TRAK2: variants seen among roughly 807,000 people sequenced by gnomAD.
TRAK2 encodes the protein trafficking kinesin protein 2, also known as trafficking kinesin-binding protein 2.
Under a neutral mutation model 104.6 loss-of-function variants are expected in TRAK2, and 81 were observed. The observed-to-expected ratio is 0.77, with a 90% CI of 0.65 to 0.93. TRAK2 has a LOEUF of 0.93. TRAK2 is among the 40% of genes least tolerant of loss of function. The pLI is 0.00. For missense variants in TRAK2, 1,002 were observed against 1,089.0 expected (o/e 0.92, Z 1.12); for synonymous variants, 406 against 394.4 (o/e 1.03, Z -0.35).
chr2:201,410,186 C>G (rs557195309), intron 2 of TRAK2, among the ~76,000 whole-genome samples: 289 of 152,130 alleles, frequency 1.9e-3, no homozygotes, highest in African/African-American at 6.5e-3. Flanking sequence ...CCTGCAGTCC[C>G]AGCTACTAGG....
chr2:201,401,143 A>T, intron 3 of TRAK2, 49 bp from the exon 4 acceptor site: 1 of 1,280,794 alleles, frequency 7.8e-7, no homozygotes, highest in Non-Finnish European at 1.1e-6. Context: ...ATAATGAAAA[A>T]ATTTAAATAT....
chr2:201,396,010 A>G (rs1048892843), intron 7 of TRAK2, among the ~76,000 whole-genome samples: 13 of 152,210 alleles, frequency 8.5e-5, no homozygotes, highest in African/African-American at 3.1e-4. Flanking sequence ...TAAAGCCTCT[A>G]GAGCAATTGT....
chr2:201,426,145 GTA>G (rs1951786309), intron 1 of TRAK2, among the ~76,000 whole-genome samples: 1 of 152,216 alleles, frequency 6.6e-6, no homozygotes, highest in African/African-American at 2.4e-5. Flanking sequence ...CAGGAGGTGG[GTA>G]AGTGAAGCTT....
chr2:201,405,959 G>A (rs1951591337), intron 3 of TRAK2, among the ~76,000 whole-genome samples: 1 of 152,146 alleles, frequency 6.6e-6, no homozygotes, highest in Admixed American at 6.6e-5. Flanking sequence ...ACTCCAGCCT[G>A]GGCAACAGAA....
At chr2:201,446,145 C>T (rs1951962617) in intron 1 of TRAK2, among the ~76,000 whole-genome samples, 1 of 152,078 alleles carries the variant, frequency 6.6e-6, no homozygotes, top group Non-Finnish European at 1.5e-5. Flanking sequence ...CCCTCACTCC[C>T]CGAGAATTCT....
At chr2:201,428,426 A>G (rs945450855) in intron 1 of TRAK2, among the ~76,000 whole-genome samples, 21 of 152,296 alleles carry the variant, frequency 1.4e-4, no homozygotes, top group South Asian at 1.2e-3. Flanking sequence ...TAAATAGGGA[A>G]TCCTTTCCCC....
intron 4 of TRAK2, 41 bp downstream of exon 4, chr2:201,400,977 G>A (rs1951545749): frequency 6.6e-7 from 1 of 1,513,362 alleles, no homozygotes; most frequent in Non-Finnish European, 9.2e-7. Context: ...TGATCCTCAA[G>A]TTTTACCTTT....
chr2:201,402,458 C>CT (rs1280531946), intron 3 of TRAK2, among the ~76,000 whole-genome samples: 32 of 151,886 alleles, frequency 2.1e-4, no homozygotes, highest in Non-Finnish European at 4.6e-4. Flanking sequence ...TTGGAGATAA[C>CT]TAAAAAAGAT....
At chr2:201,443,608 A>T (rs1576540941) in intron 1 of TRAK2, among the ~76,000 whole-genome samples, 1 of 151,962 alleles carries the variant, frequency 6.6e-6, no homozygotes, top group African/African-American at 2.4e-5. Flanking sequence ...TCTTGACTCC[A>T]CTCAAATTTC....
chr2:201,400,349 T>G (rs1951540336), intron 4 of TRAK2, among the ~76,000 whole-genome samples: 1 of 152,072 alleles, frequency 6.6e-6, no homozygotes, highest in African/African-American at 2.4e-5. Flanking sequence ...ATAAATAAAA[T>G]TAAGCTTCTA....
At chr2:201,420,838 C>A (rs1402573816) in intron 1 of TRAK2, 132 bp from the exon 2 acceptor site, 6 of 190,390 alleles carry the variant, frequency 3.2e-5, no homozygotes, top group Non-Finnish European at 1.1e-5. Context: ...CATAATTATG[C>A]TGGAAGAAAG....
intron 1 of TRAK2, among the ~76,000 whole-genome samples, chr2:201,443,193 T>C (rs1951938842): frequency 6.6e-6 from 1 of 152,130 alleles, no homozygotes; most frequent in Non-Finnish European, 1.5e-5. Context: ...CTCTCCCACC[T>C]CTCATTCATA....
chr2:201,381,105 C>G lies in TRAK2; in HGVS notation c.2183G>C (p.Arg728Pro). The change falls in exon 16 of 16, where the codon CGA becomes CCA. Residue 728 changes from arginine (R) to proline (P), a missense_variant. By Grantham distance (103) the Arg-to-Pro change is moderately radical. Coordinates refer to ENST00000332624, the MANE Select transcript of TRAK2 (RefSeq NM_015049.3). ...ACTGAAGGTTGTAGTGGAATCTCGT[C>G]GGTTGGTGATGGACTCACCAATGCT... ...RLSIGESITN[R>P]RDSTTTFSST... is the part of the protein sequence containing the mutation. 1 of 1,613,856 alleles carries G rather than the reference C, an allele frequency of 6.2e-7. No individual in the cohort carries two copies. Among genetic ancestry groups the G allele is most frequent in the Non-Finnish European group, 8.5e-7 (1 of 1,179,958 alleles).
In TRAK2 at chr2:201,392,872, T is replaced by C; in HGVS notation, c.1113+37A>G. ...TTAGGACAAACTAATCTTAAACAAA[T>C]TTCTTTAAATACATAGCATCTTTCT... On this transcript the variant is annotated intron_variant, in intron 10 of 15. Transcript: ENST00000332624. 2 of 1,579,796 alleles carry C rather than the reference T, an allele frequency of 1.3e-6. 1 individual carries two copies. The highest frequency in any genetic ancestry group is 2.3e-5 in the South Asian group (2 of 86,876).
At position 201,381,132 on chromosome 2, in the gene TRAK2, A is replaced by G; in HGVS notation, c.2156T>C (p.Leu719Pro). The G allele has an allele frequency of 6.2e-7, 1 of 1,613,926 alleles. No individual in the cohort carries two copies. ...AVNSPALSYR[L>P]SIGESITNRR... is the part of the protein sequence containing the mutation. ...GTTGGTGATGGACTCACCAATGCTGAGTCTATAGGACAAGGCAGGAGAATT... is the reference window on the plus strand; with the variant it reads ...GTTGGTGATGGACTCACCAATGCTGGGTCTATAGGACAAGGCAGGAGAATT... The change falls in exon 16 of 16, where the codon CTC (leucine) becomes CCC (proline). Residue 719 changes from leucine (L) to proline (P), a missense_variant. By Grantham distance (98) the Leu-to-Pro change is moderately conservative. Coordinates refer to ENST00000332624, the MANE Select transcript of TRAK2 (RefSeq NM_015049.3).
chr2:201,420,759 A>C, intron 1 of TRAK2, 53 bp from the exon 2 acceptor site: 1 of 336,630 alleles, frequency 3.0e-6, no homozygotes, highest in Admixed American at 4.5e-5. Context: ...TAACAACAGG[A>C]ATCTAATTAA....
intron 2 of TRAK2, among the ~76,000 whole-genome samples, chr2:201,417,182 T>C (rs1167721373): frequency 7.0e-6 from 1 of 142,450 alleles, no homozygotes; most frequent in African/African-American, 2.6e-5. Flanking sequence ...AAGGCATACT[T>C]CACAACTCGT....
At chr2:201,428,302 G>A (rs866799716) in intron 1 of TRAK2, among the ~76,000 whole-genome samples, 44 of 152,266 alleles carry the variant, frequency 2.9e-4, no homozygotes, top group African/African-American at 9.9e-4. Context: ...ATGGTTTTAG[G>A]TCTAACATTT....
rs572763495 is a variant in TRAK2 at position 201,432,386 on chromosome 2, C to T, written c.-199-11680G>A. 6.6e-5 allele frequency among the ~76,000 whole-genome samples: 10 copies of T among 152,280 alleles called. No individual in the cohort carries two copies. In the East Asian group the frequency reaches 1.7e-3, roughly 26 times the overall value. ...TTTTCAGGGCCATCTACTTTCTTTG[C>T]CGGATCTTTATTCAACCTTTTTAGG... On this transcript the variant is annotated intron_variant, in intron 1 of 15. Transcript: ENST00000332624.
Sources: gnomAD v4.1 joint callset for allele counts (sites outside exome capture counted in the v4.1 genomes callset) on GRCh38, gnomAD v4.1.1 for gene constraint, MANE v1.5 for transcripts, NCBI Gene and HGNC (gene_info 2026-07-23, HGNC 2026-07-21) for gene names.